Variants in SH3BGRL2 observed in about 807,000 individuals in gnomAD.
The protein encoded by SH3BGRL2 is SH3 domain binding glutamate rich protein like 2.
A neutral mutation model predicts 14.8 loss-of-function variants in SH3BGRL2; 21 were observed. The ratio of observed to expected loss-of-function variants is 1.42; its 90% CI spans 1.01 to 2.05. SH3BGRL2 has a LOEUF of 2.05. Ranked by LOEUF, SH3BGRL2 falls within the 30% of genes most tolerant of loss-of-function variation. The pLI, the probability that SH3BGRL2 is intolerant of heterozygous loss-of-function variation, is 0.00. For synonymous variants in SH3BGRL2, 50 were observed against 47.8 expected (o/e 1.05, Z -0.19); for missense variants, 147 against 130.8 (o/e 1.12, Z -0.61).
At chr6:79,558,445 T>C in the SH3BGRL2 span, among the ~76,000 whole-genome samples, 2 of 152,036 alleles carry the variant, frequency 1.3e-5, no homozygotes, top group Non-Finnish European at 2.9e-5. Context: ...TTAGAAAGGG[T>C]TTTAAAATCC....
At chr6:79,597,345 A>AAAG in the SH3BGRL2 span, among the ~76,000 whole-genome samples, 591 of 151,016 alleles carry the variant, frequency 3.9e-3, 5 homozygotes, top group Non-Finnish European at 5.5e-3. Context: ...AAAAAAGAAA[A>AAAG]GAAAGAGGAA....
intron 1 of SH3BGRL2, among the ~76,000 whole-genome samples, chr6:79,655,055 TG>T (rs1562148640): frequency 6.6e-6 from 1 of 152,034 alleles, no homozygotes; most frequent in Non-Finnish European, 1.5e-5. Context: ...CTAACCTGGG[TG>T]TTTTTTTTGT....
chr6:79,556,257 A>T, the SH3BGRL2 span, among the ~76,000 whole-genome samples: 1 of 152,164 alleles, frequency 6.6e-6, no homozygotes, highest in Non-Finnish European at 1.5e-5. Context: ...AAAAGACAAG[A>T]AACTGAGGAA....
intron 1 of SH3BGRL2, among the ~76,000 whole-genome samples, chr6:79,670,730 T>C (rs564957068): frequency 6.6e-6 from 1 of 152,286 alleles, no homozygotes; most frequent in South Asian, 2.1e-4. Flanking sequence ...GGGTGGCAGC[T>C]ACAAAATGTC....
chr6:79,676,547 CT>C (rs1582732841), intron 2 of SH3BGRL2, among the ~76,000 whole-genome samples: 1 of 151,458 alleles, frequency 6.6e-6, no homozygotes, highest in East Asian at 1.9e-4. Flanking sequence ...TTCCCACTTA[CT>C]GCTTATATTG....
chr6:79,584,186 T>C, the SH3BGRL2 span, among the ~76,000 whole-genome samples: 1 of 152,174 alleles, frequency 6.6e-6, no homozygotes, highest in African/African-American at 2.4e-5. Flanking sequence ...AGCATTTCAT[T>C]ATGGGTATAT....
chr6:79,631,504 GC>G lies in SH3BGRL2; in HGVS notation c.44del (p.Ala15GlyfsTer2). 6.8e-7 allele frequency: 1 copy of G among 1,470,396 alleles called. No homozygotes were observed. The highest frequency in any genetic ancestry group is 9.0e-7 in the Non-Finnish European group (1 of 1,106,256). The allele number at this position is 1,470,396 out of a possible 1,614,324, so 91.1% of individuals were successfully genotyped here. Reference protein sequence around the residue: ...VFIASSSGFVAIKKKQQDVVR... With the variant: ...VFIASSSGFVXIKKKQQDVVR... ...CATCGCCTCTTCCTCGGGCTTCGTG[GC>G]GGTGAGCGCGGTGGGGGCGGGCAGT... On this transcript the variant is annotated frameshift_variant and splice_region_variant, in exon 1 of 4. Transcript: ENST00000369838. LOFTEE classifies it high-confidence loss of function.
chr6:79,674,196 A>C (rs1347785722), intron 2 of SH3BGRL2, among the ~76,000 whole-genome samples: 2 of 152,104 alleles, frequency 1.3e-5, no homozygotes, highest in African/African-American at 4.8e-5. Context: ...TGATTAATAC[A>C]TTTTAGGGGG....
chr6:79,678,075 C>T (rs975447366), intron 2 of SH3BGRL2, among the ~76,000 whole-genome samples: 1 of 152,164 alleles, frequency 6.6e-6, no homozygotes, highest in African/African-American at 2.4e-5. Flanking sequence ...TTCTCTCTCT[C>T]TCTATTCAGC....
intron 2 of SH3BGRL2, among the ~76,000 whole-genome samples, chr6:79,687,729 A>C (rs1348561945): frequency 3.3e-5 from 5 of 152,218 alleles, no homozygotes; most frequent in African/African-American, 4.8e-5. Flanking sequence ...AGCAACTCCT[A>C]TAGTCTTAAA....
chr6:79,662,268 T>A (rs897677084), intron 1 of SH3BGRL2, among the ~76,000 whole-genome samples: 1 of 152,218 alleles, frequency 6.6e-6, no homozygotes, highest in African/African-American at 2.4e-5. Context: ...TGGCATGTTT[T>A]TATAGTGGCT....
chr6:79,564,175 G>C, the SH3BGRL2 span, among the ~76,000 whole-genome samples: 1 of 149,218 alleles, frequency 6.7e-6, no homozygotes, highest in African/African-American at 2.5e-5. Flanking sequence ...TATATCTAAC[G>C]ACTTGTGTAT....
intron 1 of SH3BGRL2, among the ~76,000 whole-genome samples, chr6:79,651,288 A>C (rs929568862): frequency 3.3e-5 from 5 of 152,220 alleles, no homozygotes; most frequent in African/African-American, 1.2e-4. Flanking sequence ...AGTATCCTCT[A>C]ATTAACAGGA....
chr6:79,628,439 C>T (rs567546208), upstream of SH3BGRL2, among the ~76,000 whole-genome samples: 273 of 152,226 alleles, frequency 1.8e-3, no homozygotes, highest in African/African-American at 6.4e-3. Flanking sequence ...TCCTAGGCAA[C>T]ATGGGAGCCA....
At chr6:79,624,225 G>T in the SH3BGRL2 span, among the ~76,000 whole-genome samples, 1 of 150,518 alleles carries the variant, frequency 6.6e-6, no homozygotes, top group Non-Finnish European at 1.5e-5. Flanking sequence ...CTCCTGACCT[G>T]GAATGCAATC....
the SH3BGRL2 span, among the ~76,000 whole-genome samples, chr6:79,600,991 G>GCT: frequency 6.6e-6 from 1 of 151,918 alleles, no homozygotes; most frequent in South Asian, 2.1e-4. Flanking sequence ...CCCCCCTCAA[G>GCT]CTCTCTCTCT....
At chr6:79,629,732 A>G (rs1768789060), upstream of SH3BGRL2, among the ~76,000 whole-genome samples, 1 of 152,172 alleles carries the variant, frequency 6.6e-6, no homozygotes, top group Non-Finnish European at 1.5e-5. Context: ...ACAACACTGT[A>G]TTAGTACAGT....
rs1377338320 is a variant in SH3BGRL2, at chr6:79,657,040, G to A, written c.46-16574G>A. ...ATAATTTAGAGAAAAGAGATGGGGC[G>A]AGAGGTTTGAGGTTGCAGTCAATTC... On this transcript the variant is annotated intron_variant, in intron 1 of 3. Coordinates refer to ENST00000369838, the MANE Select transcript of SH3BGRL2 (RefSeq NM_031469.4). 5.3e-5 allele frequency among the ~76,000 whole-genome samples: 8 copies of A among 152,320 alleles called. No individual in the cohort carries two copies. In the East Asian group the frequency reaches 1.3e-3, roughly 26 times the overall value.
the SH3BGRL2 span, among the ~76,000 whole-genome samples, chr6:79,555,763 G>A: frequency 5.9e-5 from 9 of 151,948 alleles, no homozygotes; most frequent in East Asian, 1.9e-4. Context: ...CCGCCTTGGC[G>A]TCCCAAAGTG....
Sources: gnomAD v4.1 joint callset for allele counts (sites outside exome capture counted in the v4.1 genomes callset) on GRCh38, gnomAD v4.1.1 for gene constraint, MANE v1.5 for transcripts, NCBI Gene and HGNC (gene_info 2026-07-23, HGNC 2026-07-21) for gene names.